Variants in PTPRD observed in about 807,000 individuals in gnomAD.
The protein encoded by PTPRD is protein tyrosine phosphatase receptor type D, also known as receptor-type tyrosine-protein phosphatase delta.
PTPRD carries 34 observed loss-of-function variants against 214.5 expected under a neutral mutation model. That is an observed-to-expected ratio of 0.16 (90% CI 0.12 to 0.21). The LOEUF (loss-of-function observed/expected upper bound fraction) is 0.21. PTPRD is among the 10% of genes least tolerant of loss of function. The pLI, the probability that PTPRD is intolerant of heterozygous loss-of-function variation, is 1.00. For synonymous variants in PTPRD, 1,128 were observed against 845.7 expected (o/e 1.33, Z -5.79); for missense variants, 2,545 against 2,398.7 (o/e 1.06, Z -1.27).
rs187905607 is a variant in PTPRD at position 9,070,346 on chromosome 9, T to C, written c.-142-51611A>G. Among the ~76,000 whole-genome samples, 892 of 152,300 alleles carry C rather than the reference T, an allele frequency of 5.9e-3. 10 individuals are homozygous for C. Among genetic ancestry groups the C allele is most frequent in the African/African-American group, 0.02 (841 of 41,560 alleles). On this transcript the variant is annotated intron_variant, in intron 10 of 45. Transcript: ENST00000381196. ...ATGCTATTTTCCTTTCATTCCATTA[T>C]AGAAATATAGAAAAACAGTTATAAT...
intron 11 of PTPRD, among the ~76,000 whole-genome samples, chr9:8,983,502 C>A (rs2099324344): frequency 6.6e-6 from 1 of 151,720 alleles, no homozygotes; most frequent in Non-Finnish European, 1.5e-5. Context: ...TTATTTTATA[C>A]ATTTTCTTCC....
intron 15 of PTPRD, among the ~76,000 whole-genome samples, chr9:8,527,577 G>C (rs2074529466): frequency 1.3e-5 from 2 of 151,988 alleles, no homozygotes; most frequent in African/African-American, 4.8e-5. Context: ...TCACAGGACA[G>C]GTCAAAAGCT....
At chr9:9,366,713 T>C (rs1218951652) in intron 9 of PTPRD, among the ~76,000 whole-genome samples, 1 of 151,322 alleles carries the variant, frequency 6.6e-6, no homozygotes, top group Non-Finnish European at 1.5e-5. Flanking sequence ...CAATTTAAAA[T>C]AACGAATCAT....
At chr9:9,543,709 C>T (rs970390337) in intron 8 of PTPRD, among the ~76,000 whole-genome samples, 1 of 151,410 alleles carries the variant, frequency 6.6e-6, no homozygotes, top group Non-Finnish European at 1.5e-5. Flanking sequence ...ACAACAAAAA[C>T]AAAAACAAAT....
intron 11 of PTPRD, among the ~76,000 whole-genome samples, chr9:8,785,148 T>C (rs2095886121): frequency 6.6e-6 from 1 of 152,020 alleles, no homozygotes. Context: ...GGACTTGGTG[T>C]ATAGACACAA....
intron 5 of PTPRD, among the ~76,000 whole-genome samples, chr9:9,890,993 T>A (rs7872069): frequency 6.6e-6 from 1 of 152,096 alleles, no homozygotes; most frequent in African/African-American, 2.4e-5. Flanking sequence ...AAGAAAAACA[T>A]GCAAAATGGA....
chr9:8,680,080 T>G (rs1019486767), intron 12 of PTPRD, among the ~76,000 whole-genome samples: 1 of 152,120 alleles, frequency 6.6e-6, no homozygotes, highest in Non-Finnish European at 1.5e-5. Flanking sequence ...TTAGATACTA[T>G]GATTCTTTTG....
chr9:9,450,100 GTGTGTGTGTGTGTGTGTGTC>G (rs1441613726), intron 8 of PTPRD, among the ~76,000 whole-genome samples: 3 of 71,154 alleles, frequency 4.2e-5, no homozygotes, highest in Admixed American at 1.5e-4. Context: ...TCCATGGTGT[GTGTGTGTGTGTGTGTGTGTC>G]TGTGTGTGTG....
intron 20 of PTPRD, 27 bp downstream of exon 20, chr9:8,521,250 C>T (rs2138844527): frequency 6.3e-7 from 1 of 1,590,546 alleles, no homozygotes; most frequent in Non-Finnish European, 8.6e-7. Flanking sequence ...GTACCCAGAT[C>T]CTCAAAGCAT....
At chr9:9,999,194 C>T (rs1443456482) in intron 4 of PTPRD, among the ~76,000 whole-genome samples, 1 of 152,142 alleles carries the variant, frequency 6.6e-6, no homozygotes, top group African/African-American at 2.4e-5. Context: ...TGGGAAAGGC[C>T]CGACACTGTT....
chr9:9,564,884 G>GTTT (rs1191664969), intron 8 of PTPRD, among the ~76,000 whole-genome samples: 1,194 of 48,838 alleles, frequency 0.024, 405 homozygotes, highest in Non-Finnish European at 0.031. Flanking sequence ...TGAATCTTCT[G>GTTT]TTTTTTTTTT....
At chr9:8,637,240 G>A (rs553387205) in intron 12 of PTPRD, among the ~76,000 whole-genome samples, 6 of 152,156 alleles carry the variant, frequency 3.9e-5, no homozygotes, top group African/African-American at 1.4e-4. Flanking sequence ...TCAGGACACT[G>A]CCAGAAAGCA....
rs538578598 is a variant in PTPRD, at chr9:9,370,296, G to A, written c.-203+27153C>T. ...TCCTCTTTTATTTCCCTGAGCAGTGGTTTGTAGTTCTCCTTGAAGAGGTCC... is the reference window on the plus strand; with the variant it reads ...TCCTCTTTTATTTCCCTGAGCAGTGATTTGTAGTTCTCCTTGAAGAGGTCC... On this transcript the variant is annotated intron_variant, in intron 9 of 45. Coordinates refer to ENST00000381196, the MANE Select transcript of PTPRD (RefSeq NM_002839.4). Among the ~76,000 whole-genome samples the A allele has an allele frequency of 2.0e-3, 299 of 152,092 alleles. 2 individuals are homozygous for A. Among genetic ancestry groups the A allele is most frequent in the African/African-American group, 6.6e-3 (275 of 41,436 alleles).
chr9:8,420,724 A>G (rs2094297008), intron 35 of PTPRD, among the ~76,000 whole-genome samples: 1 of 152,080 alleles, frequency 6.6e-6, no homozygotes, highest in Non-Finnish European at 1.5e-5. Context: ...ATTTATAGGC[A>G]GATTTTTAGC....
chr9:8,968,195 A>T (rs1339820498), intron 11 of PTPRD, among the ~76,000 whole-genome samples: 1 of 152,118 alleles, frequency 6.6e-6, no homozygotes, highest in East Asian at 1.9e-4. Flanking sequence ...TGCTATTGTG[A>T]ATAGTGCTGC....
intron 3 of PTPRD, among the ~76,000 whole-genome samples, chr9:10,082,628 G>C (rs1184683811): frequency 6.6e-6 from 1 of 151,860 alleles, no homozygotes; most frequent in Non-Finnish European, 1.5e-5. Flanking sequence ...GAAGTTATAA[G>C]GCCAAAAAGT....
intron 2 of PTPRD, among the ~76,000 whole-genome samples, chr9:10,390,140 A>C (rs1217007582): frequency 2.0e-5 from 3 of 151,874 alleles, no homozygotes; most frequent in Non-Finnish European, 2.9e-5. Flanking sequence ...GTACAGATTA[A>C]ACACAACATA....
chr9:9,946,826 A>C (rs888617282), intron 4 of PTPRD, among the ~76,000 whole-genome samples: 2 of 152,088 alleles, frequency 1.3e-5, no homozygotes, highest in African/African-American at 2.4e-5. Flanking sequence ...TTAAAGCAAA[A>C]CTCAAGTAGT....
At chr9:10,499,564 G>A (rs1223798376) in intron 2 of PTPRD, among the ~76,000 whole-genome samples, 1 of 151,872 alleles carries the variant, frequency 6.6e-6, no homozygotes, top group African/African-American at 2.4e-5. Context: ...TTTTAAATGT[G>A]TGTGATTAAT....
Sources: allele counts gnomAD v4.1 joint callset (sites outside exome capture counted in the v4.1 genomes callset), GRCh38; gene constraint gnomAD v4.1.1; transcripts MANE v1.5; gene names NCBI Gene and HGNC (gene_info 2026-07-23, HGNC 2026-07-21).